Variants in HDAC8 observed in about 807,000 individuals in gnomAD.
The protein encoded by HDAC8 is histone deacetylase 8, also known as histone deacetylase-like 1.
Under a neutral mutation model 32.2 loss-of-function variants are expected in HDAC8, and 1 was observed. That is an observed-to-expected ratio of 0.03 (90% CI 0.01 to 0.15). The LOEUF (loss-of-function observed/expected upper bound fraction) is 0.15, where lower values mean the gene tolerates loss of function less well. HDAC8 is among the 10% of genes least tolerant of loss of function. HDAC8 has a pLI of 1.00. For synonymous variants in HDAC8, 108 were observed against 113.9 expected (o/e 0.95, Z 0.33); for missense variants, 117 against 300.0 (o/e 0.39, Z 4.51).
intron 9 of HDAC8, among the ~76,000 whole-genome samples, chrX:72,435,440 G>A (rs1266604625): frequency 3.6e-5 from 4 of 111,456 alleles, no homozygotes; most frequent in Non-Finnish European, 5.6e-5. Flanking sequence ...TCAACACCAA[G>A]ATGACACACG....
rs561471406 is a variant in HDAC8 at position 72,387,302 on chromosome X, C to T, written c.1006-35464G>A. On this transcript the variant is annotated intron_variant, in intron 9 of 10. Transcript: ENST00000373573. ...CCTTTGGCTTCCTCCAGTGGCTGCT[C>T]CTCTCCCTGCAGAAGGATGTGCTAT... Among the ~76,000 whole-genome samples the T allele has an allele frequency of 3.3e-4, 37 of 111,806 alleles. No individual in the cohort carries two copies. The South Asian group carries it at 0.014, about 41-fold the overall frequency.
chrX:72,373,768 C>T (rs1293325990), intron 9 of HDAC8, among the ~76,000 whole-genome samples: 5 of 111,973 alleles, frequency 4.5e-5, no homozygotes, highest in South Asian at 3.7e-4. Flanking sequence ...AGGGAACTGC[C>T]GTGCTGTTTT....
At chrX:72,469,349 T>A (rs1555996482) in intron 7 of HDAC8, among the ~76,000 whole-genome samples, 1 of 111,105 alleles carries the variant, frequency 9.0e-6, no homozygotes, top group African/African-American at 3.3e-5. Context: ...AGCTAATTTT[T>A]AATTTTTTTT....
At chrX:72,366,518 G>A (rs1206127336) in intron 9 of HDAC8, among the ~76,000 whole-genome samples, 1 of 112,336 alleles carries the variant, frequency 8.9e-6, no homozygotes, top group Non-Finnish European at 1.9e-5. Context: ...ACTGCCTCTT[G>A]ATTCTATCAC....
chrX:72,474,814 C>G (rs2048286667), intron 7 of HDAC8: 1 of 565,524 alleles, frequency 1.8e-6, no homozygotes. Flanking sequence ...TAGAGTTACT[C>G]CCTTTTCTTT....
At chrX:72,460,852 C>A (rs1226799516) in intron 9 of HDAC8, among the ~76,000 whole-genome samples, 1 of 111,905 alleles carries the variant, frequency 8.9e-6, no homozygotes, top group Non-Finnish European at 1.9e-5. Flanking sequence ...CTTTATATTT[C>A]ATTAAGCTTC....
intron 7 of HDAC8, among the ~76,000 whole-genome samples, chrX:72,471,410 G>A (rs1273103266): frequency 8.9e-6 from 1 of 112,281 alleles, no homozygotes; most frequent in African/African-American, 3.2e-5. Flanking sequence ...TTGAGGAAGA[G>A]CTAGACTGTT....
chrX:72,467,913 G>A, intron 7 of HDAC8: 1 of 1,136,547 alleles, frequency 8.8e-7, no homozygotes, highest in Admixed American at 2.9e-5. Flanking sequence ...ATTTAGGAGA[G>A]AGGAAAGGAT....
intron 9 of HDAC8, among the ~76,000 whole-genome samples, chrX:72,425,804 A>G (rs1262952554): frequency 6.3e-5 from 7 of 111,546 alleles, no homozygotes; most frequent in Non-Finnish European, 1.1e-4. Flanking sequence ...ACTATTTACA[A>G]TTCTACAAGA....
At chrX:72,515,689 T>C (rs1556024658) in intron 4 of HDAC8, among the ~76,000 whole-genome samples, 1 of 110,625 alleles carries the variant, frequency 9.0e-6, no homozygotes. Flanking sequence ...GTTGCAAAGA[T>C]AACACACAGG....
At chrX:72,388,105 A>G (rs962779184) in intron 9 of HDAC8, among the ~76,000 whole-genome samples, 2 of 110,407 alleles carry the variant, frequency 1.8e-5, no homozygotes, top group African/African-American at 3.3e-5. Flanking sequence ...AGTTTAGGGC[A>G]GGAGTAGGGA....
At chrX:72,330,396 A>T (rs1397825161) in intron 10 of HDAC8, among the ~76,000 whole-genome samples, 1 of 111,571 alleles carries the variant, frequency 9.0e-6, no homozygotes, top group African/African-American at 3.3e-5. Flanking sequence ...ACTCAGCTCA[A>T]TTGCCAATCT....
chrX:72,452,115 T>C lies in HDAC8; in HGVS notation c.1005+9889A>G, dbSNP rs143323524. On this transcript the variant is annotated intron_variant, in intron 9 of 10. Transcript: ENST00000373573. ...TGTATAGGGTACAACTTCACAAGAG[T>C]AGTCCTGAAAAACTTACAGAAAAAC... Among the ~76,000 whole-genome samples the C allele has an allele frequency of 3.9e-3, 433 of 112,138 alleles. 3 individuals are homozygous for C. The highest frequency in any genetic ancestry group is 5.5e-3 in the Admixed American group (58 of 10,576).
Position 72,390,135 on chromosome X carries a change from G to A in HDAC8, c.1006-38297C>T, listed in dbSNP as rs782262708. Among the ~76,000 whole-genome samples the A allele has an allele frequency of 4.5e-5, 5 of 111,110 alleles. No individual in the cohort carries two copies. The East Asian group carries it at 1.4e-3, about 31-fold the overall frequency. On this transcript the variant is annotated intron_variant, in intron 9 of 10. Transcript: ENST00000373573. Reference sequence around the variant, plus strand: ...GTAATATCACATTAGGGTAAATGGGGTATCCATCACCTCAAACATTCATCA... The same window carrying A: ...GTAATATCACATTAGGGTAAATGGGATATCCATCACCTCAAACATTCATCA...
At chrX:72,465,086 A>G (rs1157395423) in intron 7 of HDAC8, among the ~76,000 whole-genome samples, 1 of 111,742 alleles carries the variant, frequency 8.9e-6, no homozygotes, top group Non-Finnish European at 1.9e-5. Context: ...GGAAAATAAG[A>G]TATACATTGA....
At chrX:72,365,574 T>C (rs1020498819) in intron 9 of HDAC8, among the ~76,000 whole-genome samples, 8 of 110,907 alleles carry the variant, frequency 7.2e-5, no homozygotes, top group African/African-American at 2.3e-4. Context: ...AAGATTTAAG[T>C]AAGAAGGAAG....
chrX:72,355,120 G>A (rs1294610435), intron 9 of HDAC8, among the ~76,000 whole-genome samples: 2 of 112,323 alleles, frequency 1.8e-5, no homozygotes, highest in Non-Finnish European at 3.8e-5. Context: ...ACTAGCCTGT[G>A]GAGAAACTGA....
At chrX:72,388,478 T>C (rs964247776) in intron 9 of HDAC8, among the ~76,000 whole-genome samples, 17 of 109,779 alleles carry the variant, frequency 1.5e-4, no homozygotes, top group African/African-American at 5.7e-4. Context: ...CAAGTCTTGT[T>C]GGTCTACCTC....
At chrX:72,442,072 A>G (rs1233867283) in intron 9 of HDAC8, among the ~76,000 whole-genome samples, 3 of 111,346 alleles carry the variant, frequency 2.7e-5, no homozygotes, top group Non-Finnish European at 3.8e-5. Flanking sequence ...GTGTACCTGA[A>G]AGTGACGGGG....
Sources: gnomAD v4.1 joint callset for allele counts (sites outside exome capture counted in the v4.1 genomes callset) on GRCh38, gnomAD v4.1.1 for gene constraint, MANE v1.5 for transcripts, NCBI Gene and HGNC (gene_info 2026-07-23, HGNC 2026-07-21) for gene names.